SFXN1: variants seen among roughly 807,000 people sequenced by gnomAD.
SFXN1 encodes the protein sideroflexin-1.
In SFXN1, 32 loss-of-function variants were observed where a neutral mutation model predicts 39.5. The ratio of observed to expected loss-of-function variants is 0.81; its 90% CI spans 0.61 to 1.09. The LOEUF is 1.09. Among genes scored for constraint, SFXN1 ranks in the 50% least tolerant of loss-of-function variants. SFXN1 has a pLI of 0.00. For synonymous variants in SFXN1, 136 were observed against 146.5 expected (o/e 0.93, Z 0.52); for missense variants, 402 against 407.1 (o/e 0.99, Z 0.11).
At chr5:175,499,614 G>T (rs539352069) in intron 2 of SFXN1, among the ~76,000 whole-genome samples, 1 of 152,234 alleles carries the variant, frequency 6.6e-6, no homozygotes, top group South Asian at 2.1e-4. Context: ...ATCCATTCAT[G>T]ATACAGCTGT....
intron 1 of SFXN1, among the ~76,000 whole-genome samples, chr5:175,481,146 T>A (rs944446669): frequency 1.3e-5 from 2 of 152,214 alleles, no homozygotes; most frequent in Non-Finnish European, 2.9e-5. Context: ...TTAGTGTTGT[T>A]CATTTTTTGC....
chr5:175,528,940 G>A lies in SFXN1; in HGVS notation c.*2206G>A, dbSNP rs1182950777. On this transcript the variant is annotated 3_prime_UTR_variant, in exon 11 of 11. Transcript: ENST00000321442. ...TCCTCCCCCTACCAGGTAGTGTGTA[G>A]CTCCATTTCAGAATGTTAACCTCCA... 1 of 152,228 alleles carries A rather than the reference G, an allele frequency of 6.6e-6. No homozygotes were observed. Among genetic ancestry groups the A allele is most frequent in the Non-Finnish European group, 1.5e-5 (1 of 68,082 alleles). The allele number at this position is 152,228 out of a possible 1,614,324, so 9.4% of individuals were successfully genotyped here.
Position 175,479,026 on chromosome 5 carries a change from G to A in SFXN1, c.-10+387G>A, listed in dbSNP as rs575156285. Among the ~76,000 whole-genome samples the A allele has an allele frequency of 5.3e-5, 8 of 152,294 alleles. No homozygotes were observed. The East Asian group carries it at 1.5e-3, about 29-fold the overall frequency. On this transcript the variant is annotated intron_variant, in intron 1 of 10. Coordinates refer to ENST00000321442, the MANE Select transcript of SFXN1 (RefSeq NM_022754.7). ...GCTGCCTCGGGGGCAGCGGCAGCCA[G>A]GTGGCCCAGTGCCTGGCCCAGCGCT...
chr5:175,502,506 T>C (rs1012820464), intron 2 of SFXN1, among the ~76,000 whole-genome samples: 1 of 152,184 alleles, frequency 6.6e-6, no homozygotes, highest in Non-Finnish European at 1.5e-5. Flanking sequence ...AGTTATAATT[T>C]TGCAAAAGCA....
intron 2 of SFXN1, among the ~76,000 whole-genome samples, chr5:175,504,069 G>A (rs973874638): frequency 6.6e-6 from 1 of 151,582 alleles, no homozygotes; most frequent in Non-Finnish European, 1.5e-5. Flanking sequence ...GTGGGGGAAG[G>A]GAGAGAGGGA....
intron 2 of SFXN1, among the ~76,000 whole-genome samples, chr5:175,501,357 C>T (rs953618996): frequency 2.0e-5 from 3 of 151,958 alleles, no homozygotes; most frequent in African/African-American, 7.3e-5. Context: ...TGGGAGCCAC[C>T]GCGCCCGGCA....
At chr5:175,482,632 G>T (rs1759293194) in intron 1 of SFXN1, among the ~76,000 whole-genome samples, 1 of 152,024 alleles carries the variant, frequency 6.6e-6, no homozygotes, top group Admixed American at 6.6e-5. Context: ...TCCCACTTTT[G>T]TTTGGTAACT....
chr5:175,494,923 A>C (rs1208707716), intron 2 of SFXN1, among the ~76,000 whole-genome samples: 1 of 152,218 alleles, frequency 6.6e-6, no homozygotes, highest in Non-Finnish European at 1.5e-5. Flanking sequence ...GTGACCCAGC[A>C]GTTCCACTTC....
intron 1 of SFXN1, among the ~76,000 whole-genome samples, chr5:175,485,441 C>G (rs1380167669): frequency 1.3e-5 from 2 of 152,194 alleles, no homozygotes; most frequent in African/African-American, 4.8e-5. Flanking sequence ...ACTCCAACCT[C>G]TGCTTGTTCC....
In SFXN1 at chr5:175,529,338, CA is replaced by C. The variant is rs1166870226; in HGVS notation, c.*2618del. On this transcript the variant is annotated 3_prime_UTR_variant, in exon 11 of 11. Coordinates refer to ENST00000321442, the MANE Select transcript of SFXN1 (RefSeq NM_022754.7). ...GGGCAACAAGAGCGAAACTCCATCT[CA>C]AAAAAAAAAAAAAGAGATTATAAAA... is the stretch of plus-strand genomic sequence containing the variant. 4,357 of 116,872 alleles carry C rather than the reference CA, an allele frequency of 0.037. 149 individuals carry two copies. Among genetic ancestry groups the C allele is most frequent in the African/African-American group, 0.1 (3,398 of 33,232 alleles). The allele number at this position is 116,872 out of a possible 1,614,324, so 7.2% of individuals were successfully genotyped here. A position where few individuals can be genotyped will look rare whatever the true frequency, so the allele number is the denominator to read the frequency against.
chr5:175,490,857 A>C (rs1759628146), intron 1 of SFXN1, among the ~76,000 whole-genome samples: 1 of 150,928 alleles, frequency 6.6e-6, no homozygotes, highest in South Asian at 2.1e-4. Flanking sequence ...AGTGCAAAAA[A>C]AACAAGATCT....
chr5:175,489,381 C>A (rs1283888690), intron 1 of SFXN1, among the ~76,000 whole-genome samples: 1 of 152,174 alleles, frequency 6.6e-6, no homozygotes, highest in Non-Finnish European at 1.5e-5. Flanking sequence ...AGTGTGTGAA[C>A]CCACCTGCTT....
At chr5:175,496,651 G>A (rs552396528) in intron 2 of SFXN1, among the ~76,000 whole-genome samples, 1 of 152,056 alleles carries the variant, frequency 6.6e-6, no homozygotes, top group African/African-American at 2.4e-5. Flanking sequence ...TTTAAAATTG[G>A]GTGGAAACAC....
chr5:175,494,161 G>C (rs569573994), intron 2 of SFXN1, among the ~76,000 whole-genome samples: 99 of 152,232 alleles, frequency 6.5e-4, no homozygotes, highest in African/African-American at 2.1e-3. Flanking sequence ...CTCAGGTGAG[G>C]AAAACCATTT....
Position 175,490,599 on chromosome 5 carries a change from G to C in SFXN1, c.-9-1496G>C, listed in dbSNP as rs1759618065. On this transcript the variant is annotated intron_variant, in intron 1 of 10. Coordinates refer to ENST00000321442, the MANE Select transcript of SFXN1 (RefSeq NM_022754.7). ...AGAATTAAAATTAAAACTGGTATTA[G>C]AAATGTAGGGAAGGGAAACAGGTAT... Among the ~76,000 whole-genome samples the C allele has an allele frequency of 3.9e-5, 6 of 152,176 alleles. No individual in the cohort carries two copies. The South Asian group carries it at 1.2e-3, about 32-fold the overall frequency.
At chr5:175,523,093 T>A (rs1195513538) in intron 10 of SFXN1, 1 of 152,308 alleles carries the variant, frequency 6.6e-6, no homozygotes, top group East Asian at 1.9e-4. Flanking sequence ...CCCGAACATA[T>A]GGTCTTTAAT....
chr5:175,506,659 T>A (rs2644677), intron 2 of SFXN1, among the ~76,000 whole-genome samples: 70,618 of 151,884 alleles, frequency 0.46, 18,346 homozygotes, highest in African/African-American at 0.72. Flanking sequence ...ACTTAAAAAG[T>A]TGGTGTATTC....
intron 6 of SFXN1, 128 bp from the exon 7 acceptor site, chr5:175,513,335 A>G (rs1760594958): frequency 1.5e-6 from 1 of 664,412 alleles, no homozygotes; most frequent in Non-Finnish European, 2.4e-6. Flanking sequence ...CAGATGTGTC[A>G]GTACCAAAAA....
intron 2 of SFXN1, among the ~76,000 whole-genome samples, chr5:175,507,603 A>G (rs1024926336): frequency 3.0e-4 from 45 of 152,164 alleles, no homozygotes; most frequent in Admixed American, 2.0e-4. Context: ...TTTTTTCTCA[A>G]TTTTTGACAA....
Sources: allele counts gnomAD v4.1 joint callset (sites outside exome capture counted in the v4.1 genomes callset), GRCh38; gene constraint gnomAD v4.1.1; transcripts MANE v1.5; gene names NCBI Gene and HGNC (gene_info 2026-07-23, HGNC 2026-07-21).